The following UNK variants were observed in gnomAD, a reference collection of about 807,000 sequenced individuals.
UNK encodes the protein RING finger protein unkempt homolog.
UNK carries 32 observed loss-of-function variants against 97.6 expected under a neutral mutation model. That is an observed-to-expected ratio of 0.33 (90% CI 0.25 to 0.44). The LOEUF (loss-of-function observed/expected upper bound fraction) is 0.44. Among genes scored for constraint, UNK ranks in the 20% least tolerant of loss-of-function variants. The pLI, the probability that UNK is intolerant of heterozygous loss-of-function variation, is 1.00. For synonymous variants in UNK, 441 were observed against 461.2 expected (o/e 0.96, Z 0.56); for missense variants, 771 against 1,098.4 (o/e 0.70, Z 4.21).
intron 1 of UNK, among the ~76,000 whole-genome samples, chr17:75,801,814 A>G (rs1336989517): frequency 6.9e-6 from 1 of 145,916 alleles, no homozygotes; most frequent in African/African-American, 2.6e-5. Flanking sequence ...AAGTGTTGGG[A>G]TTACAGGTGT....
chr17:75,822,017 A>G (rs2062073663), intron 13 of UNK: 1 of 291,682 alleles, frequency 3.4e-6, no homozygotes, highest in African/African-American at 2.2e-5. Flanking sequence ...TTCCTGCCCC[A>G]GCTCTGCCAT....
intron 1 of UNK, chr17:75,793,921 G>A (rs2061783416): frequency 1.0e-6 from 1 of 985,280 alleles, no homozygotes; most frequent in South Asian, 4.7e-5. Context: ...GAAGTTTTAA[G>A]TAGTCGTTCT....
chr17:75,812,117 C>A lies in UNK; in HGVS notation c.320C>A (p.Pro107Gln). Residue 107 changes from proline to glutamine, a missense_variant, in exon 3 of 16, where the codon CCA becomes CAA. By Grantham distance (76) the Pro-to-Gln change is moderately conservative. This residue lies in a region of UNK where 246 missense variants were observed against 440.7 expected (regional missense o/e 0.56). Coordinates refer to ENST00000589666, the MANE Select transcript of UNK (RefSeq NM_001080419.3). The stretch of plus-strand genomic sequence containing the variant: ...CCCCCACTACCGTGTTCCAGGTGCC[C>A]ATTCCTGCACAGAACCACAGGGGAC... The part of the protein sequence containing the change: ...TGLCPEGDEC[P>Q]FLHRTTGDTE... The A allele has an allele frequency of 1.9e-6, 3 of 1,597,344 alleles. No individual in the cohort carries two copies. Among genetic ancestry groups the A allele is most frequent in the Non-Finnish European group, 2.6e-6 (3 of 1,169,248 alleles).
intron 13 of UNK, chr17:75,821,632 G>T (rs964135018): frequency 1.1e-4 from 49 of 456,574 alleles, no homozygotes; most frequent in Non-Finnish European, 2.1e-4. Context: ...CTTAAATCTG[G>T]TTCTGGAACA....
At chr17:75,806,384 G>A (rs1049688605) in intron 1 of UNK, among the ~76,000 whole-genome samples, 5 of 152,030 alleles carry the variant, frequency 3.3e-5, no homozygotes, top group Non-Finnish European at 5.9e-5. Flanking sequence ...GCTTGAACCT[G>A]GGAGGCAGAG....
At chr17:75,797,243 T>G (rs532618210) in intron 1 of UNK, among the ~76,000 whole-genome samples, 1 of 152,316 alleles carries the variant, frequency 6.6e-6, no homozygotes, top group South Asian at 2.1e-4. Flanking sequence ...TTTGTTTTTG[T>G]TTTTGTTTTT....
intron 1 of UNK, chr17:75,793,890 A>C (rs912844208): frequency 1.2e-5 from 12 of 985,446 alleles, no homozygotes; most frequent in Non-Finnish European, 1.4e-5. Context: ...AAAAACCTTT[A>C]GCATGGTGTT....
rs1442343570 is a variant in UNK at position 75,824,404 on chromosome 17, C to T, written c.2420C>T (p.Thr807Ile). 14 of 1,552,488 alleles carry T rather than the reference C, an allele frequency of 9.0e-6. No homozygotes were observed. The South Asian group carries it at 1.0e-4, about 12-fold the overall frequency. The change falls in exon 16 of 16, where the codon ACC becomes ATC. Residue 807 changes from threonine to isoleucine, a missense_variant. By Grantham distance (89) the Thr-to-Ile change is moderately conservative (BLOSUM62 -1). This residue lies in a region of UNK where 208 missense variants were observed against 257.4 expected (regional missense o/e 0.81). Transcript: ENST00000589666. The surrounding 1 kb of genome is among the most constrained non-coding windows in gnomAD (Gnocchi z 4.9). ...CPICQPGRAH[T>I]LQS ...ATCTGCCAGCCTGGCCGGGCCCACA[C>T]CCTCCAGTCGTGACCCTGCAGGCCT...
chr17:75,788,246 C>T (rs897702404), intron 1 of UNK, among the ~76,000 whole-genome samples: 1 of 150,394 alleles, frequency 6.6e-6, no homozygotes, highest in Non-Finnish European at 1.5e-5. Flanking sequence ...GTGGCGTGAT[C>T]TCAGTTTACT....
At chr17:75,797,291 G>A (rs552707230) in intron 1 of UNK, among the ~76,000 whole-genome samples, 47 of 152,206 alleles carry the variant, frequency 3.1e-4, no homozygotes, top group African/African-American at 1.0e-3. Flanking sequence ...GCTGGAGTGC[G>A]GTGGCGCAAT....
intron 1 of UNK, among the ~76,000 whole-genome samples, chr17:75,808,358 G>A (rs1181145699): frequency 6.6e-6 from 1 of 152,178 alleles, no homozygotes; most frequent in Non-Finnish European, 1.5e-5. Flanking sequence ...GGGTCTTCAG[G>A]ATGTACCTGG....
chr17:75,807,509 G>A (rs2061929635), intron 1 of UNK, among the ~76,000 whole-genome samples: 1 of 152,250 alleles, frequency 6.6e-6, no homozygotes, highest in African/African-American at 2.4e-5. Context: ...TGGCTGGAGT[G>A]CAATGGCACG....
At chr17:75,801,211 A>G (rs1382505687) in intron 1 of UNK, among the ~76,000 whole-genome samples, 1 of 151,924 alleles carries the variant, frequency 6.6e-6, no homozygotes, top group African/African-American at 2.4e-5. Context: ...CCAGCATACC[A>G]TGTTTTATAC....
intron 1 of UNK, chr17:75,785,934 C>CAG (rs2061706246): frequency 6.6e-6 from 1 of 152,112 alleles, no homozygotes; most frequent in South Asian, 2.1e-4. Flanking sequence ...GGTTTTGGAA[C>CAG]CTGGGGGGTT....
chr17:75,819,581 C>T lies in UNK; in HGVS notation c.1547-103C>T, dbSNP rs1382036278. ...GCACAGGGGCTTGGGAGAATACGGA[C>T]CCAGCGTAGCATGGGCGTGAAGATG... On this transcript the variant is annotated intron_variant, in intron 11 of 15. Transcript: ENST00000589666. The surrounding 1 kb of genome is among the most constrained non-coding windows in gnomAD (Gnocchi z 5.4). 3 of 1,077,754 alleles carry T rather than the reference C, an allele frequency of 2.8e-6. No homozygotes were observed. Among genetic ancestry groups the T allele is most frequent in the Admixed American group, 1.9e-5 (1 of 53,910 alleles). 66.8% of individuals were successfully genotyped at this position (1,077,754 alleles called of 1,614,324 possible).
intron 1 of UNK, among the ~76,000 whole-genome samples, chr17:75,790,495 G>A (rs1037902246): frequency 1.3e-5 from 2 of 151,958 alleles, no homozygotes; most frequent in African/African-American, 4.8e-5. Flanking sequence ...AGCCTGGTGT[G>A]GTGGTGTGCA....
intron 1 of UNK, among the ~76,000 whole-genome samples, chr17:75,806,444 CAG>C (rs2061917739): frequency 7.2e-6 from 1 of 139,826 alleles, no homozygotes; most frequent in Non-Finnish European, 1.5e-5. Flanking sequence ...GCCTGGGCGA[CAG>C]AGGGAGACTC....
At chr17:75,807,187 G>GC (rs1326270273) in intron 1 of UNK, among the ~76,000 whole-genome samples, 1 of 152,230 alleles carries the variant, frequency 6.6e-6, no homozygotes, top group African/African-American at 2.4e-5. Context: ...CACCAGGCAG[G>GC]CATGTGTCAC....
intron 5 of UNK, 136 bp from the exon 6 acceptor site, chr17:75,813,625 C>A: frequency 1.3e-6 from 1 of 744,520 alleles, no homozygotes; most frequent in African/African-American, 1.8e-5. Context: ...CTTGTGGCAC[C>A]AGCAAGGCCC....
Sources: allele counts gnomAD v4.1 joint callset (sites outside exome capture counted in the v4.1 genomes callset), GRCh38; gene constraint gnomAD v4.1.1; regional missense constraint gnomAD v4.1.1; non-coding constraint Gnocchi (gnomAD v3.1); transcripts MANE v1.5; gene names NCBI Gene and HGNC (gene_info 2026-07-23, HGNC 2026-07-21).